Variants in SLC7A5 observed in about 807,000 individuals in gnomAD.
SLC7A5 encodes the protein large neutral amino acids transporter small subunit 1.
SLC7A5 carries 23 observed loss-of-function variants against 50.2 expected under a neutral mutation model. The observed-to-expected ratio is 0.46, with a 90% CI of 0.33 to 0.65. SLC7A5 has a LOEUF of 0.65. Ranked by LOEUF, SLC7A5 falls within the 30% of genes least tolerant of loss-of-function variation. SLC7A5 has a pLI of 0.02. For synonymous variants in SLC7A5, 393 were observed against 330.6 expected (o/e 1.19, Z -2.05); for missense variants, 578 against 684.4 (o/e 0.84, Z 1.73).
At chr16:87,858,112 G>A (rs2055343413) in intron 1 of SLC7A5, among the ~76,000 whole-genome samples, 1 of 152,174 alleles carries the variant, frequency 6.6e-6, no homozygotes, top group Non-Finnish European at 1.5e-5. Flanking sequence ...GACAGGAAGG[G>A]CCACCGCTCC....
At chr16:87,854,302 C>T (rs2055285621) in intron 1 of SLC7A5, among the ~76,000 whole-genome samples, 2 of 152,250 alleles carry the variant, frequency 1.3e-5, no homozygotes, top group South Asian at 4.1e-4. Flanking sequence ...CCTTTTATAA[C>T]AAGAACATAA....
chr16:87,860,397 CACAT>C lies in SLC7A5; in HGVS notation c.538+8484_538+8487del, dbSNP rs1291531752. Among the ~76,000 whole-genome samples, 255 of 68,844 alleles carry C rather than the reference CACAT, an allele frequency of 3.7e-3. 10 individuals carry two copies. Among genetic ancestry groups the C allele is most frequent in the Middle Eastern group, 0.011 (1 of 90 alleles). The allele number at this position is 68,844 out of a possible 152,430, so 45.2% of individuals were successfully genotyped here. On this transcript the variant is annotated intron_variant, in intron 1 of 9. Coordinates refer to ENST00000261622, the MANE Select transcript of SLC7A5 (RefSeq NM_003486.7). This position sits in a 1 kb window ranked among gnomAD's most constrained non-coding sequence, Gnocchi z 4.8. ...ACACACACACACACACACACACACA[CACAT>C]ATATATATAAAGAAAAAGGAAATCT...
rs926682608 is a variant in SLC7A5, at chr16:87,853,572, G to C, written c.539-1723C>G. ...CAACCCTCAGGGCTCAGCAGGGTCAGGTCAGTGGGTCTAGGCAGCTCCTTG... is the reference window on the plus strand; with the variant it reads ...CAACCCTCAGGGCTCAGCAGGGTCACGTCAGTGGGTCTAGGCAGCTCCTTG... On this transcript the variant is annotated intron_variant, in intron 1 of 9. Transcript: ENST00000261622. The surrounding 1 kb of genome is among the most constrained non-coding windows in gnomAD (Gnocchi z 4.4). Among the ~76,000 whole-genome samples, 3 of 152,320 alleles carry C rather than the reference G, an allele frequency of 2.0e-5. No homozygotes were observed. The highest frequency in any genetic ancestry group is 7.2e-5 in the African/African-American group (3 of 41,572).
At position 87,869,146 on chromosome 16, in the gene SLC7A5, C is replaced by T; in HGVS notation, c.277G>A (p.Gly93Ser). ...GLALVVWAAC[G>S]VFSIVGALCY... is the part of the protein sequence containing the mutation. ...AGCGCGCCCACGATGGAGAAGACGCCGCACGCGGCCCACACCACCAGCGCC... is the reference window on the plus strand; with the variant it reads ...AGCGCGCCCACGATGGAGAAGACGCTGCACGCGGCCCACACCACCAGCGCC... The change falls in exon 1 of 10, where the codon GGC (glycine) becomes AGC (serine). Residue 93 changes from glycine to serine, a missense_variant. Physicochemically the swap from Gly to Ser is moderately conservative, Grantham distance 56 (BLOSUM62 0). Coordinates refer to ENST00000261622, the MANE Select transcript of SLC7A5 (RefSeq NM_003486.7). The T allele has an allele frequency of 6.2e-7, 1 of 1,611,892 alleles. No homozygotes were observed. The highest frequency in any genetic ancestry group is 8.5e-7 in the Non-Finnish European group (1 of 1,179,738).
chr16:87,837,606 T>C lies in SLC7A5; in HGVS notation c.1140+239A>G. The C allele has an allele frequency of 7.6e-6, 4 of 525,582 alleles. No homozygotes were observed. In the East Asian group the frequency reaches 9.5e-5, roughly 12 times the overall value. 32.6% of individuals were successfully genotyped at this position (525,582 alleles called of 1,614,324 possible). ...CAGAGCAGCACCCCGGGTCAGCTTCTGCCTCCCGCATTTCCGATGGTCTGA... is the reference window on the plus strand; with the variant it reads ...CAGAGCAGCACCCCGGGTCAGCTTCCGCCTCCCGCATTTCCGATGGTCTGA... On this transcript the variant is annotated intron_variant, in intron 7 of 9. Coordinates refer to ENST00000261622, the MANE Select transcript of SLC7A5 (RefSeq NM_003486.7).
chr16:87,844,573 C>T (rs1314084024), intron 2 of SLC7A5, among the ~76,000 whole-genome samples: 1 of 152,254 alleles, frequency 6.6e-6, no homozygotes, highest in Non-Finnish European at 1.5e-5. Flanking sequence ...GCCAACCCTC[C>T]AAGCCTCTGG....
chr16:87,832,790 G>T lies in SLC7A5; in HGVS notation c.*180C>A. ...ACCTGGGTCCCTGGCCCTCAGTTGA[G>T]GGATGAGATTCGTACCAGAGTTTTC... On this transcript the variant is annotated 3_prime_UTR_variant, in exon 10 of 10. Transcript: ENST00000261622. This position sits in a 1 kb window ranked among gnomAD's most constrained non-coding sequence, Gnocchi z 4.6. 1 of 648,264 alleles carries T rather than the reference G, an allele frequency of 1.5e-6. No individual in the cohort carries two copies. 40.2% of individuals were successfully genotyped at this position (648,264 alleles called of 1,614,324 possible). A position where few individuals can be genotyped will look rare whatever the true frequency, so the allele number is the denominator to read the frequency against.
intron 1 of SLC7A5, among the ~76,000 whole-genome samples, chr16:87,856,452 G>A (rs1173473684): frequency 6.6e-6 from 1 of 152,230 alleles, no homozygotes; most frequent in Non-Finnish European, 1.5e-5. Flanking sequence ...AGTTCGCACG[G>A]GGCCGGAGAG....
intron 1 of SLC7A5, among the ~76,000 whole-genome samples, chr16:87,866,992 C>T (rs1336037730): frequency 2.0e-5 from 3 of 151,400 alleles, no homozygotes; most frequent in South Asian, 2.1e-4. Flanking sequence ...AGTGCAGTGG[C>T]GGGATCTCAA....
chr16:87,864,697 G>A (rs1449911658), intron 1 of SLC7A5, among the ~76,000 whole-genome samples: 1 of 152,216 alleles, frequency 6.6e-6, no homozygotes. Flanking sequence ...TAGGCTCCCT[G>A]CTGAGTCCTG....
chr16:87,856,071 G>C (rs1243770687), intron 1 of SLC7A5, among the ~76,000 whole-genome samples: 2 of 152,090 alleles, frequency 1.3e-5, no homozygotes, highest in South Asian at 2.1e-4. Flanking sequence ...GGGCCCCTTC[G>C]AGCCCAAACA....
chr16:87,846,630 TC>T (rs551347978), intron 2 of SLC7A5, among the ~76,000 whole-genome samples: 358 of 152,176 alleles, frequency 2.4e-3, no homozygotes, highest in African/African-American at 8.3e-3. Context: ...CGAGGGGGTG[TC>T]TAGGAGCCAG....
chr16:87,837,973 A>T, intron 6 of SLC7A5, 32 bp from the exon 7 acceptor site: 1 of 1,522,154 alleles, frequency 6.6e-7, no homozygotes, highest in Non-Finnish European at 9.0e-7. Flanking sequence ...AGAGTCAGCC[A>T]CCGCCCCACA....
chr16:87,854,715 C>T (rs1206379610), intron 1 of SLC7A5, among the ~76,000 whole-genome samples: 2 of 152,256 alleles, frequency 1.3e-5, no homozygotes, highest in African/African-American at 2.4e-5. Context: ...TACCCCGTGG[C>T]GTGGCTTGGC....
intron 2 of SLC7A5, among the ~76,000 whole-genome samples, chr16:87,845,572 C>T (rs912343839): frequency 6.9e-6 from 1 of 145,316 alleles, no homozygotes; most frequent in African/African-American, 2.6e-5. Context: ...GGCCACGGCG[C>T]CGCTTTTCAG....
intron 1 of SLC7A5, among the ~76,000 whole-genome samples, chr16:87,863,986 A>AATATATATATAGATATATATATATATAT (rs2055429868): frequency 1.2e-5 from 1 of 83,280 alleles, no homozygotes; most frequent in Non-Finnish European, 2.5e-5. Context: ...ATCATTTAAA[A>AATATATATATAGATATATATATATATAT]ATATATATAT....
chr16:87,861,790 C>CT lies in SLC7A5; in HGVS notation c.538+7094_538+7095insA, dbSNP rs762707068. 7.9e-5 allele frequency among the ~76,000 whole-genome samples: 12 copies of CT among 152,196 alleles called. No individual in the cohort carries two copies. The highest frequency in any genetic ancestry group is 1.6e-4 in the Non-Finnish European group (11 of 68,030). On this transcript the variant is annotated intron_variant, in intron 1 of 9. Coordinates refer to ENST00000261622, the MANE Select transcript of SLC7A5 (RefSeq NM_003486.7). The surrounding 1 kb of genome is among the most constrained non-coding windows in gnomAD (Gnocchi z 4.2). ...CCAAGAAAAAAGGGTCACAAGTGCC[C>CT]GTTAGGCTCTCCTGTGTGGCTCAGG...
chr16:87,861,472 G>A lies in SLC7A5; in HGVS notation c.538+7413C>T, dbSNP rs1252822246. Among the ~76,000 whole-genome samples the A allele has an allele frequency of 6.6e-6, 1 of 152,170 alleles. No individual in the cohort carries two copies. Among genetic ancestry groups the A allele is most frequent in the South Asian group, 2.1e-4 (1 of 4,832 alleles). ...TGGCCTCAGTGTAGAGGTGGGCACT[G>A]TGGCCCCTGGCTCCTGGCTCGCTCC... is the stretch of plus-strand genomic sequence containing the variant. On this transcript the variant is annotated intron_variant, in intron 1 of 9. Transcript: ENST00000261622. The surrounding 1 kb of genome is among the most constrained non-coding windows in gnomAD (Gnocchi z 4.2).
Position 87,832,798 on chromosome 16 carries a change from AT to A in SLC7A5, c.*171del, listed in dbSNP as rs1464538065. 1 of 666,940 alleles carries A rather than the reference AT, an allele frequency of 1.5e-6. No homozygotes were observed. Among genetic ancestry groups the A allele is most frequent in the Non-Finnish European group, 2.8e-6 (1 of 360,522 alleles). 41.3% of individuals were successfully genotyped at this position (666,940 alleles called of 1,614,324 possible). On this transcript the variant is annotated 3_prime_UTR_variant, in exon 10 of 10. Coordinates refer to ENST00000261622, the MANE Select transcript of SLC7A5 (RefSeq NM_003486.7). The surrounding 1 kb of genome is among the most constrained non-coding windows in gnomAD (Gnocchi z 4.6). ...CCCTGGCCCTCAGTTGAGGGATGAG[AT>A]TCGTACCAGAGTTTTCACAGCAGCC...
Sources: allele counts gnomAD v4.1 joint callset (sites outside exome capture counted in the v4.1 genomes callset), GRCh38; gene constraint gnomAD v4.1.1; non-coding constraint Gnocchi (gnomAD v3.1); transcripts MANE v1.5; gene names NCBI Gene and HGNC (gene_info 2026-07-23, HGNC 2026-07-21).